COL13A1: variants seen among roughly 807,000 people sequenced by gnomAD.
The protein encoded by COL13A1 is collagen type XIII alpha 1 chain.
Under a neutral mutation model 130.9 loss-of-function variants are expected in COL13A1, and 89 were observed. The ratio of observed to expected loss-of-function variants is 0.68; its 90% CI spans 0.57 to 0.81. The LOEUF (loss-of-function observed/expected upper bound fraction) is 0.81, where lower values mean the gene tolerates loss of function less well. COL13A1 is among the 30% of genes least tolerant of loss of function. The pLI, the probability that COL13A1 is intolerant of heterozygous loss-of-function variation, is 0.00. For synonymous variants in COL13A1, 402 were observed against 341.6 expected, an observed-to-expected ratio of 1.18 and a Z score of -1.95; for missense variants, 879 against 934.6, an observed-to-expected ratio of 0.94 and a Z score of 0.78.
chr10:69,917,529 C>G (rs2064076764), intron 18 of COL13A1, among the ~76,000 whole-genome samples, 196 bp downstream of exon 18: 2 of 152,042 alleles, frequency 1.3e-5, no homozygotes, highest in Non-Finnish European at 2.9e-5. Flanking sequence ...CTGGGCATCC[C>G]TGGGTCATAA....
At chr10:69,828,620 G>T (rs1351500910) in intron 2 of COL13A1, among the ~76,000 whole-genome samples, 9 of 152,196 alleles carry the variant, frequency 5.9e-5, no homozygotes, top group African/African-American at 2.2e-4. Flanking sequence ...TGGTATCTTT[G>T]TTCTCAGTTT....
chr10:69,854,944 C>T (rs1000040448), intron 2 of COL13A1, among the ~76,000 whole-genome samples: 3 of 152,124 alleles, frequency 2.0e-5, no homozygotes, highest in Non-Finnish European at 4.4e-5. Context: ...GTAAGGAAAT[C>T]GGAGGCTCCC....
chr10:69,931,315 C>T (rs981845522), intron 30 of COL13A1: 1 of 431,006 alleles, frequency 2.3e-6, no homozygotes, highest in Non-Finnish European at 4.7e-6. Context: ...TGAGGGTCCT[C>T]CTGGGGGCCA....
chr10:69,929,104 C>A, intron 28 of COL13A1, 105 bp downstream of exon 28: 1 of 877,930 alleles, frequency 1.1e-6, no homozygotes, highest in Non-Finnish European at 1.8e-6. Context: ...TACCACCATA[C>A]CCTCCTGCTG....
At chr10:69,942,533 A>G (rs2067786952) in intron 35 of COL13A1, among the ~76,000 whole-genome samples, 1 of 152,152 alleles carries the variant, frequency 6.6e-6, no homozygotes, top group Admixed American at 6.5e-5. Flanking sequence ...GTCCCTTAGG[A>G]ACTGAGTCTT....
At chr10:69,941,511 GA>G (rs575855921) in intron 35 of COL13A1, among the ~76,000 whole-genome samples, 187 of 152,302 alleles carry the variant, frequency 1.2e-3, no homozygotes, top group African/African-American at 4.4e-3. Flanking sequence ...GGACAGCTTT[GA>G]AGGCTGAGGA....
At chr10:69,887,304 C>A in intron 7 of COL13A1, 152 bp from the exon 8 acceptor site, 1 of 729,188 alleles carries the variant, frequency 1.4e-6, no homozygotes, top group Non-Finnish European at 2.3e-6. Flanking sequence ...CTTTCTCCAT[C>A]TTCCCTCCCA....
chr10:69,900,406 TG>T (rs1396106985), intron 14 of COL13A1, among the ~76,000 whole-genome samples: 2 of 152,224 alleles, frequency 1.3e-5, no homozygotes, highest in African/African-American at 4.8e-5. Context: ...TCCAGGCCAC[TG>T]CATGTTACTG....
At chr10:69,948,510 A>G (rs1410295929) in intron 38 of COL13A1, among the ~76,000 whole-genome samples, 1 of 152,188 alleles carries the variant, frequency 6.6e-6, no homozygotes, top group Admixed American at 6.5e-5. Flanking sequence ...GCCGGAATAA[A>G]CAGACCTGCT....
At position 69,958,742 on chromosome 10, in the gene COL13A1, T is replaced by A; in HGVS notation, c.*41T>A. 2 of 1,612,262 alleles carry A rather than the reference T, an allele frequency of 1.2e-6. No homozygotes were observed. Among genetic ancestry groups the A allele is most frequent in the Non-Finnish European group, 1.7e-6 (2 of 1,179,454 alleles). ...ATTGGCCTGTGTGTGTGTTTGTACATAGAATATTTATTTTTATACAGTTTT... is the reference window on the plus strand; with the variant it reads ...ATTGGCCTGTGTGTGTGTTTGTACAAAGAATATTTATTTTTATACAGTTTT... On this transcript the variant is annotated 3_prime_UTR_variant, in exon 41 of 41. Coordinates refer to ENST00000645393, the MANE Select transcript of COL13A1 (RefSeq NM_001368882.1).
intron 2 of COL13A1, among the ~76,000 whole-genome samples, chr10:69,845,905 T>A (rs1387566061): frequency 1.3e-5 from 2 of 152,238 alleles, no homozygotes; most frequent in African/African-American, 4.8e-5. Flanking sequence ...ACTGCTAAAT[T>A]TCACTGTAGC....
chr10:69,946,583 G>A (rs1416142238), intron 37 of COL13A1, among the ~76,000 whole-genome samples: 1 of 152,212 alleles, frequency 6.6e-6, no homozygotes, highest in Admixed American at 6.5e-5. Flanking sequence ...GCTGTAGAAT[G>A]AAGAGCATTT....
intron 17 of COL13A1, among the ~76,000 whole-genome samples, chr10:69,906,093 C>T (rs1353502311): frequency 6.6e-6 from 1 of 152,198 alleles, no homozygotes; most frequent in African/African-American, 2.4e-5. Flanking sequence ...AGCACTCCTG[C>T]ACAAATAACC....
chr10:69,911,695 C>T lies in COL13A1; in HGVS notation c.922-5594C>T, dbSNP rs144549246. 9.2e-5 allele frequency among the ~76,000 whole-genome samples: 14 copies of T among 152,364 alleles called. No individual in the cohort carries two copies. The East Asian group carries it at 2.7e-3, about 29-fold the overall frequency. On this transcript the variant is annotated intron_variant, in intron 17 of 40. Coordinates refer to ENST00000645393, the MANE Select transcript of COL13A1 (RefSeq NM_001368882.1). Reference sequence around the variant, plus strand: ...GCCTTTCTCTGAGTCTCCAGGCTCCCTGGGAGCATGTCTGCAGAGTCTGCA... The same window carrying T: ...GCCTTTCTCTGAGTCTCCAGGCTCCTTGGGAGCATGTCTGCAGAGTCTGCA...
intron 2 of COL13A1, among the ~76,000 whole-genome samples, chr10:69,857,407 GC>G (rs1470882296): frequency 4.6e-5 from 7 of 152,164 alleles, no homozygotes; most frequent in East Asian, 1.9e-4. Flanking sequence ...GTGATTAAGG[GC>G]CTGGTACTGG....
At chr10:69,913,318 C>T (rs2063576913) in intron 17 of COL13A1, among the ~76,000 whole-genome samples, 1 of 152,158 alleles carries the variant, frequency 6.6e-6, no homozygotes, top group African/African-American at 2.4e-5. Flanking sequence ...CTTCTGAGTC[C>T]CTTCTGGGGA....
At position 69,894,551 on chromosome 10, in the gene COL13A1, G is replaced by C. The variant is rs1283170462; in HGVS notation, c.604-1G>C. 6.2e-7 allele frequency: 1 copy of C among 1,613,952 alleles called. No homozygotes were observed. Among genetic ancestry groups the C allele is most frequent in the Non-Finnish European group, 8.5e-7 (1 of 1,179,886 alleles). ...GACCTGTGTGTGTTTGCTTCCCACA[G>C]GGTCTGACGGGTCCCCCAGGACAGC... is the stretch of plus-strand genomic sequence containing the variant. On this transcript the variant is annotated splice_acceptor_variant, in intron 10 of 40. Coordinates refer to ENST00000645393, the MANE Select transcript of COL13A1 (RefSeq NM_001368882.1). LOFTEE classifies it high-confidence loss of function.
chr10:69,867,446 G>A (rs2058637186), intron 2 of COL13A1, among the ~76,000 whole-genome samples: 2 of 152,072 alleles, frequency 1.3e-5, no homozygotes, highest in African/African-American at 2.4e-5. Flanking sequence ...AGTGTGCCTC[G>A]CTGCCCACTG....
chr10:69,933,044 G>A (rs1214632533), intron 31 of COL13A1, among the ~76,000 whole-genome samples: 1 of 144,400 alleles, frequency 6.9e-6, no homozygotes, highest in Non-Finnish European at 1.5e-5. Flanking sequence ...GCTGAGGCAG[G>A]AGAATCACGT....
Sources: gnomAD v4.1 joint callset for allele counts (sites outside exome capture counted in the v4.1 genomes callset) on GRCh38, gnomAD v4.1.1 for gene constraint, MANE v1.5 for transcripts, NCBI Gene and HGNC (gene_info 2026-07-23, HGNC 2026-07-21) for gene names.